DNAH14: variants seen among roughly 807,000 people sequenced by gnomAD.
DNAH14 encodes the protein dynein axonemal heavy chain 14.
A neutral mutation model predicts 520.9 loss-of-function variants in DNAH14; 478 were observed. The observed-to-expected ratio is 0.92, with a 90% CI of 0.85 to 0.99. DNAH14 has a LOEUF of 0.99. Ranked by LOEUF, DNAH14 falls within the 50% of genes least tolerant of loss-of-function variation. The pLI, the probability that DNAH14 is intolerant of heterozygous loss-of-function variation, is 0.00. For missense variants in DNAH14, 4,831 were observed against 5,234.5 expected (o/e 0.92, Z 2.38); for synonymous variants, 1,581 against 1,757.2 (o/e 0.90, Z 2.51).
rs1363636798 is a variant in DNAH14 at position 225,369,666 on chromosome 1, G to A, written c.12318+1634G>A. The stretch of plus-strand genomic sequence containing the variant: ...AACAAATTTGATTAACAGATAGATC[G>A]AGAGACTAACATCCCTCTAATAAAA... On this transcript the variant is annotated intron_variant, in intron 77 of 85. Transcript: ENST00000682510. Among the ~76,000 whole-genome samples, 13 of 152,156 alleles carry A rather than the reference G, an allele frequency of 8.5e-5. No individual in the cohort carries two copies. The South Asian group carries it at 2.1e-3, about 24-fold the overall frequency.
chr1:225,168,632 C>A (rs1444044223), intron 36 of DNAH14, among the ~76,000 whole-genome samples: 1 of 152,180 alleles, frequency 6.6e-6, no homozygotes. Flanking sequence ...GAGGCTTGAG[C>A]AGGTAAACAA....
intron 74 of DNAH14, 24 bp downstream of exon 74, chr1:225,358,676 G>A (rs1243071368): frequency 1.9e-6 from 3 of 1,542,000 alleles, no homozygotes; most frequent in African/African-American, 2.8e-5. Flanking sequence ...GAATAGTTAA[G>A]ATGATCGATA....
In DNAH14 at chr1:225,113,854, C is replaced by T. The variant is rs2076667657; in HGVS notation, c.3868-3830C>T. Among the ~76,000 whole-genome samples, 5 of 152,024 alleles carry T rather than the reference C, an allele frequency of 3.3e-5. No individual in the cohort carries two copies. In the South Asian group the frequency reaches 1.0e-3, roughly 31 times the overall value. On this transcript the variant is annotated intron_variant, in intron 23 of 85. Coordinates refer to ENST00000682510, the MANE Select transcript of DNAH14 (RefSeq NM_001367479.1). ...TTACTTTGTAGTAAATGCTGCCAGG[C>T]TTTGGACTCACCCTTGAGGGTAATG...
chr1:225,341,732 A>G (rs970970122), intron 69 of DNAH14, among the ~76,000 whole-genome samples: 1 of 152,216 alleles, frequency 6.6e-6, no homozygotes, highest in Non-Finnish European at 1.5e-5. Context: ...TCAGCACAAA[A>G]AATATCTAAG....
intron 1 of DNAH14, among the ~76,000 whole-genome samples, chr1:224,945,252 A>G (rs1456078331): frequency 1.3e-5 from 2 of 151,978 alleles, no homozygotes; most frequent in Middle Eastern, 3.4e-3. Context: ...TTGATCTTCC[A>G]TCACGGATAC....
At chr1:225,168,955 C>T (rs2082320037) in intron 36 of DNAH14, among the ~76,000 whole-genome samples, 1 of 152,154 alleles carries the variant, frequency 6.6e-6, no homozygotes, top group African/African-American at 2.4e-5. Flanking sequence ...GAAAAAACTT[C>T]CAGAGGAACG....
chr1:225,110,255 A>G (rs1218235701), intron 23 of DNAH14, among the ~76,000 whole-genome samples: 3 of 152,002 alleles, frequency 2.0e-5, no homozygotes, highest in African/African-American at 7.2e-5. Flanking sequence ...GAGGATTGGT[A>G]TTAGTTCTTC....
chr1:225,033,859 G>T (rs1253512198), intron 11 of DNAH14, among the ~76,000 whole-genome samples: 14 of 151,976 alleles, frequency 9.2e-5, no homozygotes, highest in Admixed American at 9.2e-4. Flanking sequence ...TTCACAATTT[G>T]GCTCTTGGCT....
At chr1:225,011,985 T>C (rs2501124) in intron 10 of DNAH14, among the ~76,000 whole-genome samples, 138,043 of 152,000 alleles carry the variant, frequency 0.91, 64,113 homozygotes, top group East Asian at 1. Flanking sequence ...GAATTTCATC[T>C]TGTCATTATG....
Position 225,285,915 on chromosome 1 carries a change from A to G in DNAH14, c.8272-3970A>G, listed in dbSNP as rs187890367. Among the ~76,000 whole-genome samples the G allele has an allele frequency of 9.2e-5, 14 of 152,338 alleles. No homozygotes were observed. In the East Asian group the frequency reaches 2.5e-3, roughly 27 times the overall value. ...TTGTTATGGCTGAATTTTATTGTAC[A>G]TATATACCACATTTCCTCTATCTGT... On this transcript the variant is annotated intron_variant, in intron 54 of 85. Coordinates refer to ENST00000682510, the MANE Select transcript of DNAH14 (RefSeq NM_001367479.1).
rs369062643 is a variant in DNAH14 at position 225,377,350 on chromosome 1, G to A, written c.12630G>A (p.Arg4210=). Residue 4210 remains arginine, a synonymous_variant, in exon 79 of 86, where the codon AGG becomes AGA. Transcript: ENST00000682510. The part of the protein sequence containing the change: ...EVLGIHPEAI[R]SCWETQGEKF... ...TAGGAATACACCCAGAGGCCATCAGGAGCTGCTGGGAGACCCAGGGCGAAA... is the reference window on the plus strand; with the variant it reads ...TAGGAATACACCCAGAGGCCATCAGAAGCTGCTGGGAGACCCAGGGCGAAA... 9.0e-6 allele frequency: 14 copies of A among 1,550,956 alleles called. No individual in the cohort carries two copies. The highest frequency in any genetic ancestry group is 1.2e-5 in the Non-Finnish European group (14 of 1,146,728).
At chr1:225,231,945 A>G (rs1192569543) in intron 42 of DNAH14, among the ~76,000 whole-genome samples, 2 of 152,152 alleles carry the variant, frequency 1.3e-5, no homozygotes, top group Non-Finnish European at 2.9e-5. Context: ...ACAATACCAT[A>G]ATCACTCATA....
At chr1:225,245,081 A>G (rs1558141907) in intron 43 of DNAH14, among the ~76,000 whole-genome samples, 1 of 152,104 alleles carries the variant, frequency 6.6e-6, no homozygotes, top group South Asian at 2.1e-4. Flanking sequence ...AAATTTATTT[A>G]TTTCTGCCTT....
intron 71 of DNAH14, among the ~76,000 whole-genome samples, chr1:225,348,269 C>T (rs538027644): frequency 2.0e-5 from 3 of 151,450 alleles, no homozygotes; most frequent in South Asian, 2.1e-4. Flanking sequence ...TATGGCACTC[C>T]CAGAAGAAGA....
rs540156193 is a variant in DNAH14 at position 225,295,822 on chromosome 1, A to G, written c.8470-5047A>G. 3.9e-5 allele frequency among the ~76,000 whole-genome samples: 6 copies of G among 152,290 alleles called. No homozygotes were observed. The South Asian group carries it at 1.2e-3, about 32-fold the overall frequency. On this transcript the variant is annotated intron_variant, in intron 55 of 85. Coordinates refer to ENST00000682510, the MANE Select transcript of DNAH14 (RefSeq NM_001367479.1). ...TGCTGATTTTCTGTCTAGATGAACT[A>G]TTTAATGCTGAGAATGGGGTGTTGA...
intron 61 of DNAH14, among the ~76,000 whole-genome samples, chr1:225,322,071 CTTTTTT>C (rs1209172928): frequency 9.1e-6 from 1 of 109,694 alleles, no homozygotes; most frequent in South Asian, 3.3e-4. Flanking sequence ...GAAGACTTTT[CTTTTTT>C]TTTCTTTCTT....
At chr1:225,136,174 TG>T (rs2078936530) in intron 27 of DNAH14, among the ~76,000 whole-genome samples, 1 of 152,212 alleles carries the variant, frequency 6.6e-6, no homozygotes. Context: ...AGTATTGTTA[TG>T]TGTAAATTGT....
intron 84 of DNAH14, among the ~76,000 whole-genome samples, chr1:225,392,874 C>A (rs1336842619): frequency 2.0e-5 from 3 of 152,178 alleles, no homozygotes; most frequent in Admixed American, 6.5e-5. Context: ...TACACCTACC[C>A]AGACCTCAGC....
At chr1:225,128,126 C>G (rs1185435991) in intron 27 of DNAH14, among the ~76,000 whole-genome samples, 1 of 152,136 alleles carries the variant, frequency 6.6e-6, no homozygotes, top group Non-Finnish European at 1.5e-5. Flanking sequence ...ACCGTTCTCT[C>G]TGGCTGTCCT....
Sources: gnomAD v4.1 joint callset for allele counts (sites outside exome capture counted in the v4.1 genomes callset) on GRCh38, gnomAD v4.1.1 for gene constraint, MANE v1.5 for transcripts, NCBI Gene and HGNC (gene_info 2026-07-23, HGNC 2026-07-21) for gene names.